The following ROBO2 variants were observed in gnomAD, a reference collection of about 807,000 sequenced individuals.
The protein encoded by ROBO2 is roundabout homolog 2.
ROBO2 carries 53 observed loss-of-function variants against 160.8 expected under a neutral mutation model. The observed-to-expected ratio is 0.33, with a 90% CI of 0.26 to 0.41. The LOEUF is 0.41. Among genes scored for constraint, ROBO2 ranks in the 10% least tolerant of loss-of-function variants. ROBO2 has a pLI of 1.00. For missense variants in ROBO2, 1,577 were observed against 1,722.4 expected, an observed-to-expected ratio of 0.92 and a Z score of 1.49; for synonymous variants, 664 against 611.7, an observed-to-expected ratio of 1.09 and a Z score of -1.26.
intron 2 of ROBO2, among the ~76,000 whole-genome samples, chr3:76,693,984 C>A (rs1019927364): frequency 2.6e-5 from 4 of 152,194 alleles, no homozygotes; most frequent in Non-Finnish European, 5.9e-5. Context: ...CTGGCTAACA[C>A]CTAAAACTAA....
At chr3:77,527,169 A>G (rs932654859) in intron 6 of ROBO2, among the ~76,000 whole-genome samples, 1 of 151,322 alleles carries the variant, frequency 6.6e-6, no homozygotes, top group Non-Finnish European at 1.5e-5. Flanking sequence ...TACCTAAAAT[A>G]TCTCTCAAAT....
chr3:76,074,266 A>G (rs976286504), intron 2 of ROBO2, among the ~76,000 whole-genome samples: 55 of 152,334 alleles, frequency 3.6e-4, no homozygotes, highest in Non-Finnish European at 1.3e-4. Flanking sequence ...CAGTTTCAGC[A>G]GATAATATGG....
chr3:77,598,165 G>A (rs1024254961), intron 19 of ROBO2, among the ~76,000 whole-genome samples: 4 of 152,068 alleles, frequency 2.6e-5, no homozygotes, highest in African/African-American at 9.7e-5. Context: ...TATAAGCCTT[G>A]ATGGGTTAAT....
intron 2 of ROBO2, among the ~76,000 whole-genome samples, chr3:76,184,405 A>G (rs573288987): frequency 4.6e-5 from 7 of 152,246 alleles, no homozygotes; most frequent in Non-Finnish European, 1.0e-4. Context: ...ATATCAGCAC[A>G]AAGCAAGTTG....
At chr3:76,526,142 G>A (rs549992055) in intron 2 of ROBO2, among the ~76,000 whole-genome samples, 3 of 152,062 alleles carry the variant, frequency 2.0e-5, no homozygotes, top group South Asian at 4.1e-4. Flanking sequence ...AGTCCAGCTC[G>A]TTCATTTTAC....
intron 2 of ROBO2, among the ~76,000 whole-genome samples, chr3:76,450,345 C>T (rs1448626332): frequency 6.6e-6 from 1 of 152,086 alleles, no homozygotes; most frequent in Non-Finnish European, 1.5e-5. Flanking sequence ...GAGACTTTAA[C>T]TTGTATAACT....
intron 1 of ROBO2, among the ~76,000 whole-genome samples, chr3:75,923,386 G>A (rs13077736): frequency 2.6e-5 from 4 of 152,182 alleles, no homozygotes; most frequent in Admixed American, 6.5e-5. Flanking sequence ...TTACACAGAC[G>A]TTTAGGGGCA....
chr3:75,914,599 A>G (rs1946731028), intron 1 of ROBO2, among the ~76,000 whole-genome samples: 1 of 152,256 alleles, frequency 6.6e-6, no homozygotes, highest in African/African-American at 2.4e-5. Context: ...TCAAATTAAC[A>G]AGATTGATTA....
rs541428786 is a variant in ROBO2 at position 77,103,720 on chromosome 3, G to A, written c.388+5380G>A. On this transcript the variant is annotated intron_variant, in intron 2 of 25. Coordinates refer to ENST00000461745, the Ensembl canonical transcript of ROBO2. The stretch of plus-strand genomic sequence containing the variant: ...CATTATTTATAGGGTTACAGATTGC[G>A]AGAATAGCAAAGCTATGGAACACTG... 2.4e-4 allele frequency among the ~76,000 whole-genome samples: 36 copies of A among 152,262 alleles called. No homozygotes were observed. The South Asian group carries it at 5.8e-3, about 25-fold the overall frequency.
chr3:76,397,660 C>T (rs1296040809), intron 2 of ROBO2, among the ~76,000 whole-genome samples: 14 of 152,052 alleles, frequency 9.2e-5, no homozygotes, highest in Non-Finnish European at 1.8e-4. Context: ...AAAAAGTGGG[C>T]GAAGGACATG....
In ROBO2 at chr3:77,628,537, C is replaced by T. The variant is rs552060398; in HGVS notation, c.3760+6105C>T. Reference sequence around the variant, plus strand: ...TCCTTTTTTCAGAAAGGCCACTAGACGTAAAATCAGTAGATGTTCAATACA... The same window carrying T: ...TCCTTTTTTCAGAAAGGCCACTAGATGTAAAATCAGTAGATGTTCAATACA... On this transcript the variant is annotated intron_variant, in intron 23 of 25. Coordinates refer to ENST00000461745, the Ensembl canonical transcript of ROBO2. 4.2e-4 allele frequency among the ~76,000 whole-genome samples: 64 copies of T among 151,860 alleles called. No individual in the cohort carries two copies. The South Asian group carries it at 8.1e-3, about 19-fold the overall frequency.
chr3:77,316,507 A>C (rs577476126), intron 2 of ROBO2, among the ~76,000 whole-genome samples: 1 of 152,236 alleles, frequency 6.6e-6, no homozygotes, highest in Non-Finnish European at 1.5e-5. Context: ...TAAAAAAGAA[A>C]CTTGGCATCT....
intron 2 of ROBO2, among the ~76,000 whole-genome samples, chr3:76,002,553 T>C (rs2065916158): frequency 6.6e-6 from 1 of 152,308 alleles, no homozygotes; most frequent in Admixed American, 6.5e-5. Flanking sequence ...GTCTCCCTTT[T>C]GCTTGGTTCT....
At chr3:76,211,187 C>A (rs1209106445) in intron 2 of ROBO2, among the ~76,000 whole-genome samples, 3 of 152,028 alleles carry the variant, frequency 2.0e-5, no homozygotes, top group African/African-American at 7.2e-5. Context: ...CCATACTTAC[C>A]CTTGCAACTT....
intron 2 of ROBO2, among the ~76,000 whole-genome samples, chr3:77,386,967 A>C (rs928694777): frequency 2.0e-5 from 3 of 152,008 alleles, no homozygotes; most frequent in African/African-American, 7.2e-5. Flanking sequence ...CAGAGTTTGA[A>C]GTATTTCTGA....
chr3:76,274,904 T>C (rs1034928074), intron 2 of ROBO2, among the ~76,000 whole-genome samples: 6 of 151,458 alleles, frequency 4.0e-5, no homozygotes, highest in African/African-American at 7.3e-5. Flanking sequence ...AAAAAGGTAA[T>C]ATACAGTCTA....
intron 2 of ROBO2, among the ~76,000 whole-genome samples, chr3:76,888,269 G>A (rs1285456055): frequency 6.6e-6 from 1 of 152,150 alleles, no homozygotes; most frequent in African/African-American, 2.4e-5. Context: ...TCAGGAGGCT[G>A]AGGCAGGAGG....
At position 77,382,742 on chromosome 3, in the gene ROBO2, C is replaced by T. The variant is rs143887090; in HGVS notation, c.389-94672C>T. 1.2e-3 allele frequency among the ~76,000 whole-genome samples: 180 copies of T among 152,278 alleles called. No homozygotes were observed. In the East Asian group the frequency reaches 0.023, roughly 19 times the overall value. On this transcript the variant is annotated intron_variant, in intron 2 of 25. Transcript: ENST00000461745. ...GCCTCCATCCATTTGCTGCAAAAGA[C>T]GCTACTTTGTTCTTTCTTATGGCTG...
At position 77,211,683 on chromosome 3, in the gene ROBO2, T is replaced by C. The variant is rs539990251; in HGVS notation, c.388+113343T>C. On this transcript the variant is annotated intron_variant, in intron 2 of 25. Transcript: ENST00000461745. ...GTCCTGAATGGTAATGCCTAGGTTTTCTTCTAGGGTTTTTATGGTTTTAGG... is the reference window on the plus strand; with the variant it reads ...GTCCTGAATGGTAATGCCTAGGTTTCCTTCTAGGGTTTTTATGGTTTTAGG... 4.9e-3 allele frequency among the ~76,000 whole-genome samples: 743 copies of C among 152,340 alleles called. 7 individuals are homozygous for C. Among genetic ancestry groups the C allele is most frequent in the African/African-American group, 0.015 (644 of 41,556 alleles).
Sources: gnomAD v4.1 joint callset for allele counts (sites outside exome capture counted in the v4.1 genomes callset) on GRCh38, gnomAD v4.1.1 for gene constraint, MANE v1.5 for transcripts, NCBI Gene and HGNC (gene_info 2026-07-23, HGNC 2026-07-21) for gene names.